Variants in STAG1 observed in about 807,000 individuals in gnomAD.
STAG1 encodes the protein STAG1 cohesin complex component, also known as cohesin subunit SA-1.
In STAG1, 26 loss-of-function variants were observed where a neutral mutation model predicts 170.9. The ratio of observed to expected loss-of-function variants is 0.15; its 90% CI spans 0.11 to 0.21. The LOEUF (loss-of-function observed/expected upper bound fraction) is 0.21, where lower values mean the gene tolerates loss of function less well. Ranked by LOEUF, STAG1 falls within the 10% of genes least tolerant of loss-of-function variation. The pLI, the probability that STAG1 is intolerant of heterozygous loss-of-function variation, is 1.00. For missense variants in STAG1, 964 were observed against 1,509.5 expected (o/e 0.64, Z 5.99); for synonymous variants, 514 against 497.7 (o/e 1.03, Z -0.44).
chr3:136,711,753 T>G (rs1200018682), intron 1 of STAG1, among the ~76,000 whole-genome samples: 2 of 152,168 alleles, frequency 1.3e-5, no homozygotes, highest in Admixed American at 6.5e-5. Flanking sequence ...AAAAGTTTTT[T>G]TGTTTGTTTA....
chr3:136,665,460 G>T (rs1262423303), intron 1 of STAG1, among the ~76,000 whole-genome samples: 1 of 152,050 alleles, frequency 6.6e-6, no homozygotes, highest in Non-Finnish European at 1.5e-5. Flanking sequence ...ATCCAGGTAG[G>T]TATGATATAA....
chr3:136,654,887 A>G (rs115451458), intron 1 of STAG1, among the ~76,000 whole-genome samples: 1,857 of 152,332 alleles, frequency 0.012, 40 homozygotes, highest in African/African-American at 0.043. Flanking sequence ...TGCCAAGACT[A>G]TTAATGGAGA....
intron 4 of STAG1, among the ~76,000 whole-genome samples, chr3:136,592,428 G>A (rs1033811556): frequency 6.6e-6 from 1 of 152,070 alleles, no homozygotes; most frequent in South Asian, 2.1e-4. Context: ...CACCATGATT[G>A]TAAGTTTCCT....
chr3:136,455,418 C>G (rs929832066), intron 13 of STAG1, among the ~76,000 whole-genome samples: 4 of 152,196 alleles, frequency 2.6e-5, no homozygotes, highest in Non-Finnish European at 5.9e-5. Context: ...TTTCCCTAGA[C>G]CCATGATTCT....
chr3:136,420,542 G>A (rs2087922177), intron 20 of STAG1, among the ~76,000 whole-genome samples: 1 of 152,168 alleles, frequency 6.6e-6, no homozygotes, highest in Non-Finnish European at 1.5e-5. Flanking sequence ...CAATCAGTCA[G>A]TGTATGTTGG....
intron 9 of STAG1, among the ~76,000 whole-genome samples, chr3:136,493,537 C>A (rs1020286612): frequency 4.6e-5 from 7 of 151,638 alleles, no homozygotes; most frequent in Admixed American, 3.9e-4. Context: ...TGCTTGTAGT[C>A]CCAACTACTC....
chr3:136,669,765 A>G (rs1941923284), intron 1 of STAG1, among the ~76,000 whole-genome samples: 2 of 152,234 alleles, frequency 1.3e-5, no homozygotes, highest in South Asian at 4.1e-4. Context: ...CTAATCTAAC[A>G]AACTGACTTC....
intron 1 of STAG1, among the ~76,000 whole-genome samples, chr3:136,700,929 T>A (rs1433892683): frequency 1.5e-5 from 2 of 137,478 alleles, no homozygotes; most frequent in East Asian, 4.4e-4. Flanking sequence ...TCACCCAGGC[T>A]GGAGTGCAGC....
chr3:136,647,468 C>G (rs1646421451), intron 1 of STAG1, among the ~76,000 whole-genome samples: 2 of 152,154 alleles, frequency 1.3e-5, no homozygotes, highest in African/African-American at 4.8e-5. Context: ...ACTCGGGAGG[C>G]TGAGGCAGGA....
intron 1 of STAG1, among the ~76,000 whole-genome samples, chr3:136,745,060 T>A (rs2107955478): frequency 6.6e-6 from 1 of 152,326 alleles, no homozygotes; most frequent in East Asian, 1.9e-4. Flanking sequence ...AAACTTATTT[T>A]CATTGTGTGT....
intron 14 of STAG1, among the ~76,000 whole-genome samples, chr3:136,444,887 G>T (rs1455095068): frequency 6.6e-6 from 1 of 151,956 alleles, no homozygotes; most frequent in Non-Finnish European, 1.5e-5. Flanking sequence ...TGGAGACAGG[G>T]TCTCACAGTG....
chr3:136,390,031 C>T (rs1185269131), intron 22 of STAG1, among the ~76,000 whole-genome samples: 1 of 152,006 alleles, frequency 6.6e-6, no homozygotes, highest in Non-Finnish European at 1.5e-5. Context: ...TGGGGTTTCA[C>T]CATATGGGCC....
At chr3:136,434,613 A>G (rs2088401260) in intron 15 of STAG1, among the ~76,000 whole-genome samples, 1 of 152,186 alleles carries the variant, frequency 6.6e-6, no homozygotes, top group Non-Finnish European at 1.5e-5. Flanking sequence ...GTCATTTGTT[A>G]TCAGACTCTT....
chr3:136,737,316 C>A (rs1222993365), intron 1 of STAG1: 6 of 399,396 alleles, frequency 1.5e-5, no homozygotes, highest in Non-Finnish European at 2.9e-5. Context: ...GTTGGCCAGG[C>A]TGGTCTCCAA....
chr3:136,438,867 T>A (rs1026032335), intron 15 of STAG1, among the ~76,000 whole-genome samples: 1 of 152,114 alleles, frequency 6.6e-6, no homozygotes, highest in Non-Finnish European at 1.5e-5. Flanking sequence ...GATTACAGAA[T>A]GTTAGCACTA....
chr3:136,341,070 G>A (rs1935949101), intron 31 of STAG1, among the ~76,000 whole-genome samples: 2 of 152,038 alleles, frequency 1.3e-5, no homozygotes, highest in Admixed American at 1.3e-4. Context: ...CACCATGCCC[G>A]GCTAATTTTT....
At chr3:136,456,123 T>C (rs1017138921) in intron 13 of STAG1, among the ~76,000 whole-genome samples, 7 of 152,060 alleles carry the variant, frequency 4.6e-5, no homozygotes, top group Non-Finnish European at 1.0e-4. Context: ...GTCAGGGAAA[T>C]ATTACACTAC....
At chr3:136,396,464 G>C (rs1047101781) in intron 22 of STAG1, among the ~76,000 whole-genome samples, 1 of 140,744 alleles carries the variant, frequency 7.1e-6, no homozygotes, top group African/African-American at 2.7e-5. Flanking sequence ...CTTGTGATCC[G>C]CCCACCTCGG....
chr3:136,452,217 T>A (rs2088963794), intron 13 of STAG1, 70 bp from the exon 14 acceptor site: 1 of 930,776 alleles, frequency 1.1e-6, no homozygotes, highest in African/African-American at 1.6e-5. Context: ...AACACACAAA[T>A]CATTTCAGTG....
Sources: allele counts gnomAD v4.1 joint callset (sites outside exome capture counted in the v4.1 genomes callset), GRCh38; gene constraint gnomAD v4.1.1; transcripts MANE v1.5; gene names NCBI Gene and HGNC (gene_info 2026-07-23, HGNC 2026-07-21).